GATAD2A: variants seen among roughly 807,000 people sequenced by gnomAD.
GATAD2A encodes transcriptional repressor p66-alpha.
In GATAD2A, 12 loss-of-function variants were observed where a neutral mutation model predicts 68.5. The ratio of observed to expected loss-of-function variants is 0.18; its 90% CI spans 0.11 to 0.28. The LOEUF is 0.28. Among genes scored for constraint, GATAD2A ranks in the 10% least tolerant of loss-of-function variants. The pLI is 1.00. For synonymous variants in GATAD2A, 410 were observed against 375.3 expected, an observed-to-expected ratio of 1.09 and a Z score of -1.07; for missense variants, 755 against 868.5, an observed-to-expected ratio of 0.87 and a Z score of 1.64.
intron 1 of GATAD2A, among the ~76,000 whole-genome samples, chr19:19,414,448 T>C (rs2051325948): frequency 6.6e-6 from 1 of 151,984 alleles, no homozygotes. Context: ...GATGTCTTTG[T>C]GGCTTGGTGA....
chr19:19,495,649 A>AAAC (rs942878099), intron 5 of GATAD2A, 105 bp from the exon 6 acceptor site: 36 of 1,061,716 alleles, frequency 3.4e-5, no homozygotes, highest in African/African-American at 6.6e-5. Context: ...AAAAAAAAAA[A>AAAC]AAAAAACTAG....
chr19:19,423,581 G>A (rs997974610), intron 1 of GATAD2A, among the ~76,000 whole-genome samples: 1 of 152,250 alleles, frequency 6.6e-6, no homozygotes, highest in African/African-American at 2.4e-5. Flanking sequence ...GTGCCATGGC[G>A]TGGTTAGTGG....
At chr19:19,480,688 T>C (rs1373712146) in intron 2 of GATAD2A, among the ~76,000 whole-genome samples, 2 of 152,044 alleles carry the variant, frequency 1.3e-5, no homozygotes, top group Admixed American at 6.5e-5. Context: ...CTTGGCCTCA[T>C]TGAGGTTTGG....
At chr19:19,487,203 T>C (rs965176353) in intron 2 of GATAD2A, among the ~76,000 whole-genome samples, 2 of 152,216 alleles carry the variant, frequency 1.3e-5, no homozygotes, top group African/African-American at 4.8e-5. Context: ...ACCCCAGGGC[T>C]GGATACCCCC....
chr19:19,423,325 G>A (rs895532657), intron 1 of GATAD2A, among the ~76,000 whole-genome samples: 7 of 152,240 alleles, frequency 4.6e-5, no homozygotes, highest in Non-Finnish European at 1.0e-4. Flanking sequence ...CTTAATTGGC[G>A]TATGCGGTGG....
intron 2 of GATAD2A, among the ~76,000 whole-genome samples, chr19:19,478,960 G>A (rs2148216684): frequency 6.6e-6 from 1 of 152,290 alleles, no homozygotes; most frequent in Admixed American, 6.5e-5. Context: ...CAGCTGCTAG[G>A]TTCCCGTGGC....
Position 19,465,360 on chromosome 19 carries a change from A to C in GATAD2A, c.15A>C (p.Ala5=). The change falls in exon 2 of 12, where the codon GCA becomes GCC. Residue 5 remains alanine, a synonymous_variant. Coordinates refer to ENST00000683918, the MANE Select transcript of GATAD2A (RefSeq NM_001384528.1). MTEE[A]CRTRSQKRAL... is the part of the protein sequence containing the mutation. ...CCAAGTTCAGAATGACCGAAGAAGC[A>C]TGCCGAACACGGAGTCAGAAACGAG... is the stretch of plus-strand genomic sequence containing the variant. 1 of 1,613,960 alleles carries C rather than the reference A, an allele frequency of 6.2e-7. No homozygotes were observed. Among genetic ancestry groups the C allele is most frequent in the Non-Finnish European group, 8.5e-7 (1 of 1,179,796 alleles).
intron 1 of GATAD2A, among the ~76,000 whole-genome samples, chr19:19,433,724 G>A (rs868169713): frequency 1.3e-5 from 2 of 152,214 alleles, no homozygotes; most frequent in Admixed American, 1.3e-4. Context: ...GATGAAAAGT[G>A]TAACACTAAA....
intron 1 of GATAD2A, among the ~76,000 whole-genome samples, chr19:19,397,225 C>G (rs1276035927): frequency 1.3e-5 from 2 of 152,100 alleles, no homozygotes; most frequent in African/African-American, 4.8e-5. Context: ...AGATTAAACT[C>G]AAAATAGTAT....
chr19:19,408,979 C>T (rs913334383), intron 1 of GATAD2A, among the ~76,000 whole-genome samples: 7 of 146,448 alleles, frequency 4.8e-5, no homozygotes, highest in Non-Finnish European at 8.9e-5. Flanking sequence ...AAGAATGTGG[C>T]TGGTAAAGTT....
At chr19:19,478,994 G>A (rs1282305135) in intron 2 of GATAD2A, among the ~76,000 whole-genome samples, 2 of 152,156 alleles carry the variant, frequency 1.3e-5, no homozygotes, top group African/African-American at 4.8e-5. Flanking sequence ...ATCCTCTTGC[G>A]TTCTTTGTGA....
At chr19:19,411,171 CA>C (rs1054013812) in intron 1 of GATAD2A, among the ~76,000 whole-genome samples, 16 of 152,250 alleles carry the variant, frequency 1.1e-4, no homozygotes, top group African/African-American at 3.9e-4. Flanking sequence ...CAAAGTTCCC[CA>C]CAGGAGGTGA....
intron 1 of GATAD2A, among the ~76,000 whole-genome samples, chr19:19,390,239 G>A (rs767016132): frequency 1.3e-5 from 2 of 152,098 alleles, no homozygotes; most frequent in Non-Finnish European, 2.9e-5. Flanking sequence ...GGAACACATT[G>A]CTGTGAATGT....
chr19:19,446,129 AC>A (rs1389457381), intron 1 of GATAD2A, among the ~76,000 whole-genome samples: 2 of 152,156 alleles, frequency 1.3e-5, no homozygotes, highest in African/African-American at 4.8e-5. Flanking sequence ...TGTCACTCTT[AC>A]CATTTTACTT....
chr19:19,425,439 T>C (rs1311139672), intron 1 of GATAD2A, among the ~76,000 whole-genome samples: 1 of 152,178 alleles, frequency 6.6e-6, no homozygotes, highest in African/African-American at 2.4e-5. Flanking sequence ...CACAGGTGCA[T>C]GTGCAAAGGA....
At chr19:19,415,383 G>A (rs868829954) in intron 1 of GATAD2A, among the ~76,000 whole-genome samples, 4 of 151,434 alleles carry the variant, frequency 2.6e-5, no homozygotes, top group South Asian at 2.1e-4. Flanking sequence ...TTGAACTCGC[G>A]ACTTCAGGTG....
chr19:19,476,769 TC>T (rs2058703407), intron 2 of GATAD2A, among the ~76,000 whole-genome samples: 1 of 152,118 alleles, frequency 6.6e-6, no homozygotes, highest in South Asian at 2.1e-4. Flanking sequence ...GCATGTGTGA[TC>T]CCAGGTGGGA....
chr19:19,442,880 T>C (rs535268433), intron 1 of GATAD2A, among the ~76,000 whole-genome samples: 1 of 151,450 alleles, frequency 6.6e-6, no homozygotes, highest in East Asian at 1.9e-4. Flanking sequence ...CATTTAAAAA[T>C]GGGTAGAGGG....
chr19:19,458,077 CATG>C (rs1416520403), intron 1 of GATAD2A, among the ~76,000 whole-genome samples: 1 of 152,218 alleles, frequency 6.6e-6, no homozygotes, highest in South Asian at 2.1e-4. Flanking sequence ...ATCCTGATAA[CATG>C]AGAGAGAGAA....
Sources: gnomAD v4.1 joint callset for allele counts (sites outside exome capture counted in the v4.1 genomes callset) on GRCh38, gnomAD v4.1.1 for gene constraint, MANE v1.5 for transcripts, NCBI Gene and HGNC (gene_info 2026-07-23, HGNC 2026-07-21) for gene names.